The following POLR3B variants were observed in gnomAD, a reference collection of about 807,000 sequenced individuals.
POLR3B encodes RNA polymerase III subunit B, also known as DNA-directed RNA polymerase III subunit RPC2.
POLR3B carries 96 observed loss-of-function variants against 147.4 expected under a neutral mutation model. That is an observed-to-expected ratio of 0.65 (90% CI 0.55 to 0.77). The LOEUF is 0.77. Ranked by LOEUF, POLR3B falls within the 30% of genes least tolerant of loss-of-function variation. The pLI is 0.00. For missense variants in POLR3B, 1,036 were observed against 1,413.5 expected, an observed-to-expected ratio of 0.73 and a Z score of 4.28; for synonymous variants, 461 against 485.9, an observed-to-expected ratio of 0.95 and a Z score of 0.67.
At position 106,435,679 on chromosome 12, in the gene POLR3B, G is replaced by A. The variant is rs76052750; in HGVS notation, c.1782-1378G>A. On this transcript the variant is annotated intron_variant, in intron 16 of 27. Transcript: ENST00000228347. The stretch of plus-strand genomic sequence containing the variant: ...CTGCCTAAGATTGTCCTGAGAACTA[G>A]TTGATAGAAGGTGTGGTAAGTGCTC... Among the ~76,000 whole-genome samples the A allele has an allele frequency of 3.9e-3, 590 of 152,214 alleles. 3 individuals carry two copies. The highest frequency in any genetic ancestry group is 6.8e-3 in the Middle Eastern group (2 of 294).
chr12:106,375,640 G>A (rs1371050323), intron 6 of POLR3B, among the ~76,000 whole-genome samples: 1 of 152,116 alleles, frequency 6.6e-6, no homozygotes, highest in East Asian at 1.9e-4. Context: ...TTAAGTTAGT[G>A]CTTAAAATTT....
In POLR3B at chr12:106,504,637, T is replaced by C. The variant is rs1468728332; in HGVS notation, c.3272+383T>C. Among the ~76,000 whole-genome samples the C allele has an allele frequency of 6.6e-6, 1 of 152,212 alleles. No homozygotes were observed. Among genetic ancestry groups the C allele is most frequent in the Non-Finnish European group, 1.5e-5 (1 of 68,040 alleles). On this transcript the variant is annotated intron_variant, in intron 27 of 27. Coordinates refer to ENST00000228347, the MANE Select transcript of POLR3B (RefSeq NM_018082.6). This position sits in a 1 kb window ranked among gnomAD's most constrained non-coding sequence, Gnocchi z 4.6. ...ACATCGAATGCTTTCATTTGTAACT[T>C]CAGACCCAAAGAGCCAGGGATGCTG... is the stretch of plus-strand genomic sequence containing the variant.
chr12:106,377,332 T>A (rs2036695241), intron 7 of POLR3B, among the ~76,000 whole-genome samples: 2 of 152,228 alleles, frequency 1.3e-5, no homozygotes, highest in African/African-American at 4.8e-5. Context: ...AAAGTTGCAT[T>A]GTTTTAGAAT....
chr12:106,498,581 TG>T (rs2038538375), intron 25 of POLR3B, among the ~76,000 whole-genome samples: 4 of 140,088 alleles, frequency 2.9e-5, no homozygotes, highest in Admixed American at 2.8e-4. Context: ...TTTTGGGGTT[TG>T]TTTTTTTTGT....
chr12:106,506,330 A>G (rs943953810), intron 27 of POLR3B, among the ~76,000 whole-genome samples: 2 of 152,110 alleles, frequency 1.3e-5, no homozygotes, highest in Non-Finnish European at 2.9e-5. Flanking sequence ...GAATCACGTC[A>G]TTAAAAATAG....
chr12:106,395,860 C>G (rs1461591751), intron 10 of POLR3B, among the ~76,000 whole-genome samples: 1 of 152,090 alleles, frequency 6.6e-6, no homozygotes, highest in Non-Finnish European at 1.5e-5. Flanking sequence ...ATCCCAGCTA[C>G]TCGGGAGGCT....
At chr12:106,374,963 C>T (rs2036658191) in intron 6 of POLR3B, among the ~76,000 whole-genome samples, 2 of 152,130 alleles carry the variant, frequency 1.3e-5, no homozygotes, top group South Asian at 4.1e-4. Flanking sequence ...GTTTATTTTC[C>T]GTCTTCCTGA....
chr12:106,487,161 C>G (rs2038351854), intron 23 of POLR3B, among the ~76,000 whole-genome samples: 6 of 152,176 alleles, frequency 3.9e-5, no homozygotes, highest in Admixed American at 2.6e-4. Flanking sequence ...TCCACAACAT[C>G]AGTTATGCTA....
intron 25 of POLR3B, among the ~76,000 whole-genome samples, chr12:106,498,324 T>C (rs1592778131): frequency 1.3e-5 from 2 of 151,846 alleles, no homozygotes; most frequent in Non-Finnish European, 2.9e-5. Context: ...GAGGTGAGGG[T>C]GGAGGGGAAG....
chr12:106,368,801 T>A (rs1289024224), intron 4 of POLR3B, among the ~76,000 whole-genome samples: 1 of 152,196 alleles, frequency 6.6e-6, no homozygotes, highest in Non-Finnish European at 1.5e-5. Flanking sequence ...CCACTTCCAG[T>A]TCTTTCCACC....
At chr12:106,430,131 A>G in intron 13 of POLR3B, 142 bp from the exon 14 acceptor site, 1 of 746,092 alleles carries the variant, frequency 1.3e-6, no homozygotes, top group South Asian at 1.5e-5. Flanking sequence ...TTTAATTGTG[A>G]CACTTTGATT....
intron 23 of POLR3B, among the ~76,000 whole-genome samples, chr12:106,483,713 T>C (rs2038300702): frequency 6.6e-6 from 1 of 152,208 alleles, no homozygotes; most frequent in Admixed American, 6.5e-5. Flanking sequence ...AGGCAGCCTC[T>C]TCTGTAGTAG....
intron 23 of POLR3B, among the ~76,000 whole-genome samples, chr12:106,491,523 C>T (rs1387717227): frequency 6.6e-6 from 1 of 152,190 alleles, no homozygotes; most frequent in Admixed American, 6.5e-5. Context: ...AGCATCATTT[C>T]ACCATTCAGT....
At chr12:106,358,310 C>CTG in intron 1 of POLR3B, 1 of 1,162,014 alleles carries the variant, frequency 8.6e-7, no homozygotes, top group Non-Finnish European at 1.1e-6. Context: ...GGCCAGGGAG[C>CTG]TCAGGCCATT....
At chr12:106,417,653 A>C (rs2037322595) in intron 12 of POLR3B, among the ~76,000 whole-genome samples, 1 of 152,166 alleles carries the variant, frequency 6.6e-6, no homozygotes, top group South Asian at 2.1e-4. Flanking sequence ...TTCTAGAAAA[A>C]AAAATTAGCA....
Position 106,378,661 on chromosome 12 carries a change from A to AT in POLR3B, c.614+277_614+278insT, listed in dbSNP as rs896047251. On this transcript the variant is annotated intron_variant, in intron 8 of 27. Transcript: ENST00000228347. ...GCATGAAAGGAGATTTAAAAAAAAA[A>AT]AAATAAAACCACTCTTCAGTTTTTC... Among the ~76,000 whole-genome samples, 120 of 151,658 alleles carry AT rather than the reference A, an allele frequency of 7.9e-4. 2 individuals carry two copies. Among genetic ancestry groups the AT allele is most frequent in the African/African-American group, 2.7e-3 (113 of 41,268 alleles).
intron 23 of POLR3B, among the ~76,000 whole-genome samples, chr12:106,474,582 G>C (rs1390723971): frequency 2.7e-5 from 4 of 147,072 alleles, no homozygotes; most frequent in Non-Finnish European, 4.5e-5. Flanking sequence ...CTTCTTCCTG[G>C]TTTAGTCTTG....
Position 106,485,497 on chromosome 12 carries a change from C to T in POLR3B, c.2714-10558C>T, listed in dbSNP as rs55875027. On this transcript the variant is annotated intron_variant, in intron 23 of 27. Coordinates refer to ENST00000228347, the MANE Select transcript of POLR3B (RefSeq NM_018082.6). ...GGGCAGGGAGACCATTGCAGTGGTC[C>T]AGGCAAGAAAGGGTGGTGGCTTGGA... is the stretch of plus-strand genomic sequence containing the variant. 7.9e-3 allele frequency among the ~76,000 whole-genome samples: 1,202 copies of T among 152,166 alleles called. 17 individuals carry two copies. The highest frequency in any genetic ancestry group is 0.027 in the African/African-American group (1,118 of 41,502).
intron 23 of POLR3B, among the ~76,000 whole-genome samples, chr12:106,494,948 A>G (rs1490262536): frequency 6.6e-6 from 1 of 152,236 alleles, no homozygotes; most frequent in Non-Finnish European, 1.5e-5. Flanking sequence ...GGTGATTACA[A>G]CAAATCGCAA....
Sources: gnomAD v4.1 joint callset for allele counts (sites outside exome capture counted in the v4.1 genomes callset) on GRCh38, gnomAD v4.1.1 for gene constraint, Gnocchi (gnomAD v3.1) non-coding constraint, MANE v1.5 for transcripts, NCBI Gene and HGNC (gene_info 2026-07-23, HGNC 2026-07-21) for gene names.